The following BRD9 variants were observed in gnomAD, a reference collection of about 807,000 sequenced individuals.
BRD9 encodes the protein bromodomain containing 9, also known as bromodomain-containing protein 9.
BRD9 carries 47 observed loss-of-function variants against 68.7 expected under a neutral mutation model. The ratio of observed to expected loss-of-function variants is 0.68; its 90% CI spans 0.54 to 0.87. BRD9 has a LOEUF of 0.87. Among genes scored for constraint, BRD9 ranks in the 40% least tolerant of loss-of-function variants. BRD9 has a pLI of 0.00. For synonymous variants in BRD9, 313 were observed against 293.9 expected (o/e 1.06, Z -0.67); for missense variants, 670 against 748.4 (o/e 0.90, Z 1.22).
chr5:891,188 C>A lies in BRD9; in HGVS notation c.367G>T (p.Asp123Tyr), dbSNP rs779280779. The A allele has an allele frequency of 1.3e-6, 2 of 1,551,810 alleles. No homozygotes were observed. The highest frequency in any genetic ancestry group is 1.7e-6 in the Non-Finnish European group (2 of 1,147,012). ...GTCCGGCACGCTCGGACTGGCCGAT[C>A]TGGGGGCGGCTCCACCTCCACCTTC... ...GKKVEVEPPP[D>Y]RPVRACRTQP... is the part of the protein sequence containing the mutation. The change falls in exon 3 of 16, where the codon GAT (aspartate) becomes TAT (tyrosine). Residue 123 changes from aspartate (D) to tyrosine (Y), a missense_variant. This residue lies in a region of BRD9 where 161 missense variants were observed against 148.1 expected (regional missense o/e 1.09). Transcript: ENST00000467963.
At chr5:891,486 G>T in intron 2 of BRD9, 154 bp downstream of exon 2, 1 of 1,336,422 alleles carries the variant, frequency 7.5e-7, no homozygotes. Flanking sequence ...TCCTGGAACT[G>T]AGTCTGCGGG....
chr5:882,587 C>T (rs1485081767), intron 8 of BRD9: 1 of 163,510 alleles, frequency 6.1e-6, no homozygotes, highest in East Asian at 1.9e-4. Flanking sequence ...AACTTTCCAA[C>T]ACACAAGCCA....
Position 889,108 on chromosome 5 carries a change from A to C in BRD9, c.519T>G (p.Tyr173Ter). 1 of 1,611,980 alleles carries C rather than the reference A, an allele frequency of 6.2e-7. No homozygotes were observed. The highest frequency in any genetic ancestry group is 8.5e-7 in the Non-Finnish European group (1 of 1,179,488). Residue 173 changes from tyrosine to a stop codon, truncating the protein, a stop_gained, in exon 5 of 16, where the codon TAT becomes TAG. Transcript: ENST00000467963. LOFTEE classifies it high-confidence loss of function. Reference protein sequence around the residue: ...FPVTDAIAPGYSMIIKHPMDF... With the variant: ...FPVTDAIAPG ...CCATGGGATGTTTTATTATCATTGA[A>C]TATCCAGGAGCAATTGCATCCGTGA...
At chr5:891,345 C>A (rs867663037) in intron 2 of BRD9, 58 bp from the exon 3 acceptor site, 1 of 1,525,010 alleles carries the variant, frequency 6.6e-7, no homozygotes, top group South Asian at 1.2e-5. Flanking sequence ...CCGGACAGGT[C>A]TGCCCAATCC....
At chr5:865,821 A>G in intron 14 of BRD9, 1 of 505,480 alleles carries the variant, frequency 2.0e-6, no homozygotes, top group Non-Finnish European at 3.5e-6. Flanking sequence ...AGCATCAGAC[A>G]AGACCTAGCA....
intron 7 of BRD9, among the ~76,000 whole-genome samples, chr5:885,445 C>T (rs773643496): frequency 6.6e-6 from 1 of 152,196 alleles, no homozygotes; most frequent in Non-Finnish European, 1.5e-5. Flanking sequence ...GTTAAATCCA[C>T]GTGAGTCCCA....
intron 7 of BRD9, among the ~76,000 whole-genome samples, chr5:886,154 C>A (rs1289497897): frequency 6.6e-6 from 1 of 152,216 alleles, no homozygotes; most frequent in East Asian, 1.9e-4. Flanking sequence ...GACACAGAAG[C>A]GAGCAGTTCA....
chr5:885,553 C>T (rs561889925), intron 7 of BRD9, among the ~76,000 whole-genome samples: 4 of 152,250 alleles, frequency 2.6e-5, no homozygotes. Flanking sequence ...TGACTTCCCA[C>T]AAGATGGCAC....
rs1752300331 is a variant in BRD9, at chr5:884,775, AG to A, written c.834-706del. Among the ~76,000 whole-genome samples the A allele has an allele frequency of 2.0e-5, 3 of 152,362 alleles. No individual in the cohort carries two copies. In the South Asian group the frequency reaches 6.2e-4, roughly 32 times the overall value. ...GCGGCCCTGCCCTTGCCTGACCTAC[AG>A]TGACAACCTGGCAACCCTACACAGG... On this transcript the variant is annotated intron_variant, in intron 7 of 15. Transcript: ENST00000467963.
Position 878,495 on chromosome 5 carries a change from G to A in BRD9, c.1139-8C>T. The A allele has an allele frequency of 6.2e-7, 1 of 1,613,938 alleles. No homozygotes were observed. Among genetic ancestry groups the A allele is most frequent in the Non-Finnish European group, 8.5e-7 (1 of 1,180,040 alleles). ...CACTGGAGAGAAAGGTGACTGGGAGGAAGAGGAGAGAGCATCACTGGACTC... is the reference window on the plus strand; with the variant it reads ...CACTGGAGAGAAAGGTGACTGGGAGAAAGAGGAGAGAGCATCACTGGACTC... On this transcript the variant is annotated splice_polypyrimidine_tract_variant and splice_region_variant and intron_variant, in intron 10 of 15. Coordinates refer to ENST00000467963, the MANE Select transcript of BRD9 (RefSeq NM_023924.5).
intron 11 of BRD9, among the ~76,000 whole-genome samples, chr5:878,009 C>A (rs1192306413): frequency 1.3e-5 from 2 of 152,178 alleles, no homozygotes; most frequent in African/African-American, 2.4e-5. Context: ...CAAATGCCAG[C>A]CCCCAGGAAT....
intron 12 of BRD9, among the ~76,000 whole-genome samples, chr5:873,610 G>A (rs931240850): frequency 6.6e-6 from 1 of 152,176 alleles, no homozygotes. Flanking sequence ...AGCCTTGCCT[G>A]TAGCCAGTGG....
At chr5:889,551 C>T (rs781082062) in intron 4 of BRD9, 36 bp downstream of exon 4, 15 of 1,609,652 alleles carry the variant, frequency 9.3e-6, no homozygotes, top group Non-Finnish European at 1.3e-5. Context: ...ACCACACCCC[C>T]CCAGACACTA....
intron 14 of BRD9, among the ~76,000 whole-genome samples, chr5:868,006 C>T (rs1749603651): frequency 6.6e-6 from 1 of 152,154 alleles, no homozygotes; most frequent in South Asian, 2.1e-4. Flanking sequence ...AATTGTAATT[C>T]CCAATGTTAG....
intron 14 of BRD9, among the ~76,000 whole-genome samples, chr5:867,052 C>A (rs758028303): frequency 6.6e-6 from 1 of 152,190 alleles, no homozygotes; most frequent in African/African-American, 2.4e-5. Context: ...AAAAGGGCCC[C>A]ACTACTCTGT....
At chr5:892,135 T>C in intron 1 of BRD9, 1 of 484,968 alleles carries the variant, frequency 2.1e-6, no homozygotes, top group South Asian at 2.4e-5. Context: ...AGAAGATGGA[T>C]TAAGAGGGAC....
rs1186106895 is a variant in BRD9, at chr5:892,773, T to TGCCGAGCTC, written c.-125_-117dup. On this transcript the variant is annotated 5_prime_UTR_variant, in exon 1 of 16. Coordinates refer to ENST00000467963, the MANE Select transcript of BRD9 (RefSeq NM_023924.5). ...CCGCCCGCGCTCGCTGCGCCGAGGTTGCCGAGCTCGCTGGGCCGCGCCGGA... is the reference window on the plus strand; with the variant it reads ...CCGCCCGCGCTCGCTGCGCCGAGGTTGCCGAGCTCGCCGAGCTCGCTGGGCCGCGCCGGA... The TGCCGAGCTC allele has an allele frequency of 2.2e-5, 25 of 1,116,954 alleles. No individual in the cohort carries two copies. The highest frequency in any genetic ancestry group is 3.3e-4 in the Middle Eastern group (1 of 3,034). 69.2% of individuals were successfully genotyped at this position (1,116,954 alleles called of 1,614,324 possible).
Position 876,166 on chromosome 5 carries a change from C to G in BRD9, c.1318G>C (p.Val440Leu). Residue 440 changes from valine to leucine, a missense_variant, in exon 12 of 16, where the codon GTG becomes CTG. By Grantham distance (32) the Val-to-Leu change is conservative. This residue lies in a region of BRD9 where 280 missense variants were observed against 281.5 expected (regional missense o/e 0.99). Coordinates refer to ENST00000467963, the MANE Select transcript of BRD9 (RefSeq NM_023924.5). ...KDAGSYSKKV[V>L]DDLLDQITGG... ...GTGATCTGGTCCAGGAGGTCGTCCA[C>G]CACTTTCTTGCTGTAGCTCCCAGCA... The G allele has an allele frequency of 6.2e-7, 1 of 1,613,916 alleles. No individual in the cohort carries two copies. Among genetic ancestry groups the G allele is most frequent in the Middle Eastern group, 1.6e-4 (1 of 6,062 alleles).
chr5:872,760 A>G (rs963772434), intron 12 of BRD9, among the ~76,000 whole-genome samples: 6 of 152,256 alleles, frequency 3.9e-5, no homozygotes, highest in Admixed American at 2.6e-4. Flanking sequence ...AGTTACTTAG[A>G]TAACTCTGAG....
Sources: gnomAD v4.1 joint callset for allele counts (sites outside exome capture counted in the v4.1 genomes callset) on GRCh38, gnomAD v4.1.1 for gene constraint, gnomAD v4.1.1 regional missense constraint, MANE v1.5 for transcripts, NCBI Gene and HGNC (gene_info 2026-07-23, HGNC 2026-07-21) for gene names.